DARS1: variants seen among roughly 807,000 people sequenced by gnomAD.
The protein encoded by DARS1 is aspartyl-tRNA synthetase 1.
In DARS1, 51 loss-of-function variants were observed where a neutral mutation model predicts 68.8. The ratio of observed to expected loss-of-function variants is 0.74; its 90% CI spans 0.59 to 0.94. The LOEUF (loss-of-function observed/expected upper bound fraction) is 0.94, where lower values mean the gene tolerates loss of function less well. DARS1 is among the 40% of genes least tolerant of loss of function. DARS1 has a pLI of 0.00. For synonymous variants in DARS1, 203 were observed against 190.4 expected (o/e 1.07, Z -0.55); for missense variants, 607 against 597.3 (o/e 1.02, Z -0.17).
chr2:135,968,907 C>A (rs1428061965), intron 3 of DARS1, among the ~76,000 whole-genome samples: 1 of 152,044 alleles, frequency 6.6e-6, no homozygotes, highest in Non-Finnish European at 1.5e-5. Context: ...AGTGATCCAC[C>A]CTGCCTAAGC....
rs144907202 is a variant in DARS1, at chr2:135,920,913, T to C, written c.812-313A>G. On this transcript the variant is annotated intron_variant, in intron 9 of 15. Coordinates refer to ENST00000264161, the MANE Select transcript of DARS1 (RefSeq NM_001349.4). ...AAAATATATTCAATTATGACCAAGA[T>C]AGTGAGTTCTTCTCAATTTTATTAA... 1.8e-4 allele frequency among the ~76,000 whole-genome samples: 27 copies of C among 151,992 alleles called. 1 individual carries two copies. The highest frequency in any genetic ancestry group is 1.6e-3 in the Admixed American group (24 of 15,268).
Position 135,983,942 on chromosome 2 carries a change from G to C in DARS1, c.67-488C>G, listed in dbSNP as rs75437018. 7.4e-3 allele frequency among the ~76,000 whole-genome samples: 1,123 copies of C among 152,182 alleles called. 11 individuals carry two copies. Among genetic ancestry groups the C allele is most frequent in the African/African-American group, 0.026 (1,060 of 41,518 alleles). Reference sequence around the variant, plus strand: ...CAGTTTTTAGAAACTGGAGATGCTGGGTATAAGCTAACTACAACTTTCCTT... The same window carrying C: ...CAGTTTTTAGAAACTGGAGATGCTGCGTATAAGCTAACTACAACTTTCCTT... On this transcript the variant is annotated intron_variant, in intron 1 of 15. Coordinates refer to ENST00000264161, the MANE Select transcript of DARS1 (RefSeq NM_001349.4).
chr2:135,917,579 G>A (rs995978070), intron 10 of DARS1, among the ~76,000 whole-genome samples: 5 of 151,398 alleles, frequency 3.3e-5, no homozygotes, highest in East Asian at 2.0e-4. Context: ...GGGCTTAATC[G>A]ATCCTCCCAC....
chr2:135,963,419 T>C (rs1388347440), intron 3 of DARS1, among the ~76,000 whole-genome samples: 1 of 151,904 alleles, frequency 6.6e-6, no homozygotes, highest in African/African-American at 2.4e-5. Flanking sequence ...TTGCCCAGGC[T>C]GGAGTCCAAT....
rs558716873 is a variant in DARS1, at chr2:135,947,142, T to C, written c.321-3662A>G. 4.7e-5 allele frequency among the ~76,000 whole-genome samples: 7 copies of C among 150,522 alleles called. No homozygotes were observed. In the East Asian group the frequency reaches 6.1e-4, roughly 13 times the overall value. On this transcript the variant is annotated intron_variant, in intron 4 of 15. Transcript: ENST00000264161. ...ATTTTAGCCCAGGCACGGTGGCTCA[T>C]GCCTGTAATCCCAGCACTTCTGGGA...
In DARS1 at chr2:135,920,443, T is replaced by C; in HGVS notation, c.959+10A>G. On this transcript the variant is annotated intron_variant, in intron 10 of 15. Transcript: ENST00000264161. ...ATTAAGTCCATCTAGGTGCATAAAA[T>C]ACTTTTTACCTTTCTTGAAGTCCTT... is the stretch of plus-strand genomic sequence containing the variant. The C allele has an allele frequency of 1.9e-6, 3 of 1,609,254 alleles. No homozygotes were observed. Among genetic ancestry groups the C allele is most frequent in the Non-Finnish European group, 1.7e-6 (2 of 1,178,274 alleles).
chr2:135,973,703 A>T (rs77194466), intron 3 of DARS1, among the ~76,000 whole-genome samples: 3,598 of 152,038 alleles, frequency 0.024, 144 homozygotes, highest in African/African-American at 0.082. Flanking sequence ...AAAAAAATGA[A>T]AAAATAAAAA....
At chr2:135,961,924 G>A (rs1682111096) in intron 3 of DARS1, among the ~76,000 whole-genome samples, 2 of 152,184 alleles carry the variant, frequency 1.3e-5, no homozygotes, top group Admixed American at 6.5e-5. Context: ...AACCACAAAA[G>A]TGCTAACACA....
At chr2:135,914,299 A>G (rs1480677065) in intron 12 of DARS1, among the ~76,000 whole-genome samples, 170 bp downstream of exon 12, 1 of 152,234 alleles carries the variant, frequency 6.6e-6, no homozygotes, top group African/African-American at 2.4e-5. Context: ...GGCTGTCTGA[A>G]TATTTCTCAA....
In DARS1 at chr2:135,954,921, A is replaced by G. The variant is rs896198502; in HGVS notation, c.320+6475T>C. Among the ~76,000 whole-genome samples, 9 of 152,096 alleles carry G rather than the reference A, an allele frequency of 5.9e-5. 1 individual carries two copies. Among genetic ancestry groups the G allele is most frequent in the Non-Finnish European group, 1.0e-4 (7 of 68,024 alleles). On this transcript the variant is annotated intron_variant, in intron 4 of 15. Transcript: ENST00000264161. The stretch of plus-strand genomic sequence containing the variant: ...GTTACCTTTTATTTCTCATCATTCT[A>G]GGTACCACAGATTTAAGCACCTTGA...
At chr2:135,952,603 C>G (rs181184214) in intron 4 of DARS1, among the ~76,000 whole-genome samples, 43 of 152,224 alleles carry the variant, frequency 2.8e-4, no homozygotes, top group African/African-American at 8.9e-4. Context: ...TCTATGTGAT[C>G]AACATCTTTA....
intron 3 of DARS1, among the ~76,000 whole-genome samples, chr2:135,968,658 CTTTTTTTTTTT>C (rs765797736): frequency 7.7e-6 from 1 of 129,070 alleles, no homozygotes; most frequent in Non-Finnish European, 1.6e-5. Flanking sequence ...GGGGATTCAG[CTTTTTTTTTTT>C]TTTTTTTTTT....
intron 7 of DARS1, among the ~76,000 whole-genome samples, chr2:135,927,316 AT>A (rs1681241400): frequency 6.6e-6 from 1 of 152,156 alleles, no homozygotes; most frequent in Non-Finnish European, 1.5e-5. Context: ...AGTACATAAA[AT>A]GAATGCAACA....
rs992435404 is a variant in DARS1, at chr2:135,907,242, C to CTT, written c.*72_*73dup. 7.2e-3 allele frequency: 3,251 copies of CTT among 453,090 alleles called. 72 individuals are homozygous for CTT. Among genetic ancestry groups the CTT allele is most frequent in the African/African-American group, 0.034 (1,213 of 35,328 alleles). 28.1% of individuals were successfully genotyped at this position (453,090 alleles called of 1,614,324 possible). A position where few individuals can be genotyped will look rare whatever the true frequency, so the allele number is the denominator to read the frequency against. ...TACTGAAAAGAATAAGTGTGGCTTT[C>CTT]TTTTTTTTTTTTTTTTTTTGAGGCA... On this transcript the variant is annotated 3_prime_UTR_variant, in exon 16 of 16. Coordinates refer to ENST00000264161, the MANE Select transcript of DARS1 (RefSeq NM_001349.4).
At chr2:135,938,598 G>A (rs1575393099) in intron 5 of DARS1, among the ~76,000 whole-genome samples, 1 of 152,138 alleles carries the variant, frequency 6.6e-6, no homozygotes, top group East Asian at 1.9e-4. Flanking sequence ...CAGCTTTTCT[G>A]CATCAACTAA....
chr2:135,937,830 C>G (rs1355098932), intron 5 of DARS1, among the ~76,000 whole-genome samples: 2 of 152,342 alleles, frequency 1.3e-5, no homozygotes, highest in South Asian at 2.1e-4. Flanking sequence ...CCACTCTCTT[C>G]TGGCTTGTAA....
intron 4 of DARS1, among the ~76,000 whole-genome samples, chr2:135,956,920 C>T (rs570733305): frequency 3.5e-4 from 53 of 151,512 alleles, no homozygotes; most frequent in African/African-American, 1.3e-3. Context: ...CCTACCACCA[C>T]ACCTGGCTAT....
chr2:135,958,200 T>G (rs1682020100), intron 4 of DARS1, among the ~76,000 whole-genome samples: 1 of 152,198 alleles, frequency 6.6e-6, no homozygotes, highest in Non-Finnish European at 1.5e-5. Context: ...TATGTGAAAG[T>G]TAATGTGGCA....
At position 135,979,772 on chromosome 2, in the gene DARS1, C is replaced by A. The variant is rs117843158; in HGVS notation, c.125-406G>T. On this transcript the variant is annotated intron_variant, in intron 2 of 15. Transcript: ENST00000264161. ...GTAAGGCCAAACACAGCCTATCCTG[C>A]CTAGGACATGGAACTTTTGCCTGCC... Among the ~76,000 whole-genome samples, 11 of 152,298 alleles carry A rather than the reference C, an allele frequency of 7.2e-5. No homozygotes were observed. The East Asian group carries it at 1.7e-3, about 24-fold the overall frequency.
Sources: allele counts gnomAD v4.1 joint callset (sites outside exome capture counted in the v4.1 genomes callset), GRCh38; gene constraint gnomAD v4.1.1; transcripts MANE v1.5; gene names NCBI Gene and HGNC (gene_info 2026-07-23, HGNC 2026-07-21).